The following PHACTR1 variants were observed in gnomAD, a reference collection of about 807,000 sequenced individuals.
PHACTR1 encodes the protein phosphatase and actin regulator 1.
Under a neutral mutation model 69.2 loss-of-function variants are expected in PHACTR1, and 16 were observed. The ratio of observed to expected loss-of-function variants is 0.23; its 90% CI spans 0.16 to 0.35. The LOEUF is 0.35. Ranked by LOEUF, PHACTR1 falls within the 10% of genes least tolerant of loss-of-function variation. The probability of loss-of-function intolerance (pLI) is 1.00; values close to 1 mark genes in which losing one functional copy is unlikely to be tolerated. For synonymous variants in PHACTR1, 312 were observed against 284.5 expected (o/e 1.10, Z -0.97); for missense variants, 510 against 734.7 (o/e 0.69, Z 3.54).
chr6:13,218,849 G>A (rs1252308036), intron 8 of PHACTR1, among the ~76,000 whole-genome samples: 2 of 133,820 alleles, frequency 1.5e-5, no homozygotes, highest in African/African-American at 2.9e-5. Flanking sequence ...GGAGGAGGAG[G>A]AGGAAAGAGA....
At chr6:12,720,032 C>A (rs1207071724) in intron 3 of PHACTR1, among the ~76,000 whole-genome samples, 1 of 152,186 alleles carries the variant, frequency 6.6e-6, no homozygotes, top group Non-Finnish European at 1.5e-5. Context: ...ATGGAGTCAA[C>A]ATGGCTGTTC....
intron 4 of PHACTR1, among the ~76,000 whole-genome samples, chr6:12,782,147 AG>A (rs1236014588): frequency 1.3e-5 from 2 of 152,198 alleles, no homozygotes; most frequent in African/African-American, 2.4e-5. Context: ...ATCAGGGATA[AG>A]CTTTAAAAAA....
rs565905609 is a variant in PHACTR1, at chr6:13,098,649, C to T, written c.415+45120C>T. 2.7e-4 allele frequency among the ~76,000 whole-genome samples: 41 copies of T among 152,270 alleles called. 1 individual carries two copies. The highest frequency in any genetic ancestry group is 9.4e-4 in the African/African-American group (39 of 41,548). Reference sequence around the variant, plus strand: ...ATCCACCTTCTGTGTCTCCTTCCTCCGTAAATGGCCTGACATCCACTCTTT... The same window carrying T: ...ATCCACCTTCTGTGTCTCCTTCCTCTGTAAATGGCCTGACATCCACTCTTT... On this transcript the variant is annotated intron_variant, in intron 5 of 14. Coordinates refer to ENST00000332995, the MANE Select transcript of PHACTR1 (RefSeq NM_030948.6).
At chr6:13,181,314 G>C (rs1247259737) in intron 6 of PHACTR1, among the ~76,000 whole-genome samples, 2 of 152,184 alleles carry the variant, frequency 1.3e-5, no homozygotes, top group African/African-American at 2.4e-5. Context: ...AATCACCTTG[G>C]AGTCACTTAA....
chr6:13,206,163 CG>C, intron 8 of PHACTR1, 27 bp downstream of exon 8: 1 of 1,524,568 alleles, frequency 6.6e-7, no homozygotes, highest in Middle Eastern at 1.7e-4. Flanking sequence ...GGAGGGAGGA[CG>C]GGAGGAGAGG....
chr6:13,198,425 C>G (rs775300813), intron 7 of PHACTR1, among the ~76,000 whole-genome samples: 10 of 152,150 alleles, frequency 6.6e-5, no homozygotes, highest in Non-Finnish European at 1.3e-4. Flanking sequence ...ATTATGGTTA[C>G]TCTCTGTGGA....
chr6:13,259,783 C>A (rs2000372), intron 10 of PHACTR1, among the ~76,000 whole-genome samples: 4,219 of 152,248 alleles, frequency 0.028, 184 homozygotes, highest in African/African-American at 0.092. Context: ...CATCTTCCCC[C>A]CTCTGTGCTC....
At chr6:12,873,530 GA>G (rs1426527648) in intron 4 of PHACTR1, among the ~76,000 whole-genome samples, 1 of 151,940 alleles carries the variant, frequency 6.6e-6, no homozygotes, top group South Asian at 2.1e-4. Context: ...TAGTGGAAGA[GA>G]AAAAAAGGTT....
intron 4 of PHACTR1, among the ~76,000 whole-genome samples, chr6:12,787,880 G>A (rs1771733237): frequency 6.6e-6 from 1 of 152,196 alleles, no homozygotes; most frequent in African/African-American, 2.4e-5. Context: ...AAGGAGGCCA[G>A]GCACGGTGGC....
At chr6:13,032,046 C>T (rs72820864) in intron 4 of PHACTR1, among the ~76,000 whole-genome samples, 2 of 152,214 alleles carry the variant, frequency 1.3e-5, no homozygotes, top group Non-Finnish European at 2.9e-5. Flanking sequence ...TAATGAAACA[C>T]CCAAATTTCA....
chr6:13,203,351 G>C (rs1765481630), intron 7 of PHACTR1, among the ~76,000 whole-genome samples: 1 of 152,170 alleles, frequency 6.6e-6, no homozygotes, highest in African/African-American at 2.4e-5. Context: ...GCAGCATAGT[G>C]TCTTCAGAGA....
At chr6:13,014,566 G>C (rs1285342122) in intron 4 of PHACTR1, among the ~76,000 whole-genome samples, 1 of 152,178 alleles carries the variant, frequency 6.6e-6, no homozygotes, top group Non-Finnish European at 1.5e-5. Flanking sequence ...GCTTCCTTCG[G>C]GTGGCATCAG....
intron 4 of PHACTR1, among the ~76,000 whole-genome samples, chr6:12,879,877 C>T (rs4711857): frequency 0.27 from 40,670 of 152,060 alleles, 6,036 homozygotes; most frequent in Middle Eastern, 0.37. Context: ...CATTATTCTA[C>T]TCTCGTATGG....
At chr6:13,128,105 T>G (rs1426358756) in intron 5 of PHACTR1, among the ~76,000 whole-genome samples, 1 of 43,220 alleles carries the variant, frequency 2.3e-5, no homozygotes, top group Non-Finnish European at 5.8e-5. Context: ...TGGGGGTAAT[T>G]ATGGGAATTA....
intron 5 of PHACTR1, among the ~76,000 whole-genome samples, chr6:13,148,094 T>A (rs1206732854): frequency 1.3e-5 from 2 of 150,276 alleles, no homozygotes; most frequent in Non-Finnish European, 3.0e-5. Context: ...GAACTTTATA[T>A]AAATGGAACC....
intron 4 of PHACTR1, among the ~76,000 whole-genome samples, chr6:12,784,826 T>G (rs1286565821): frequency 6.6e-6 from 1 of 152,034 alleles, no homozygotes; most frequent in East Asian, 1.9e-4. Flanking sequence ...GTGATTCTCC[T>G]GCCTCAGCCT....
intron 10 of PHACTR1, among the ~76,000 whole-genome samples, chr6:13,249,863 C>T (rs1774136393): frequency 6.7e-6 from 1 of 149,372 alleles, no homozygotes; most frequent in Admixed American, 6.6e-5. Flanking sequence ...CATTGGGAAA[C>T]CAAAATAATT....
chr6:12,784,355 T>C (rs1771231026), intron 4 of PHACTR1, among the ~76,000 whole-genome samples: 1 of 151,884 alleles, frequency 6.6e-6, no homozygotes. Flanking sequence ...TACACATACA[T>C]ATATATCTAT....
chr6:12,808,954 T>A (rs368093727), intron 4 of PHACTR1, among the ~76,000 whole-genome samples: 1 of 151,928 alleles, frequency 6.6e-6, no homozygotes, highest in East Asian at 1.9e-4. Context: ...CTTGGCTCAC[T>A]GCAACCTTCA....
Sources: gnomAD v4.1 joint callset for allele counts (sites outside exome capture counted in the v4.1 genomes callset) on GRCh38, gnomAD v4.1.1 for gene constraint, MANE v1.5 for transcripts, NCBI Gene and HGNC (gene_info 2026-07-23, HGNC 2026-07-21) for gene names.